The following TBC1D22A variants were observed in gnomAD, a reference collection of about 807,000 sequenced individuals.
TBC1D22A encodes TBC1 domain family member 22A.
In TBC1D22A, 38 loss-of-function variants were observed where a neutral mutation model predicts 60.2. The ratio of observed to expected loss-of-function variants is 0.63; its 90% confidence interval spans 0.49 to 0.83. The LOEUF (loss-of-function observed/expected upper bound fraction) is 0.83, where lower values mean the gene tolerates loss of function less well. Ranked by LOEUF, TBC1D22A falls within the 40% of genes least tolerant of loss-of-function variation. The pLI, the probability that TBC1D22A is intolerant of heterozygous loss-of-function variation, is 0.00. For synonymous variants in TBC1D22A, 302 were observed against 281.7 expected, an observed-to-expected ratio of 1.07 and a Z score of -0.72; for missense variants, 628 against 701.0, an observed-to-expected ratio of 0.90 and a Z score of 1.18.
At chr22:46,906,428 C>T (rs529532304) in intron 7 of TBC1D22A, among the ~76,000 whole-genome samples, 4 of 152,228 alleles carry the variant, frequency 2.6e-5, no homozygotes, top group South Asian at 2.1e-4. Context: ...GCCTGGGCGC[C>T]GCTGTCTACA....
rs550731098 is a variant in TBC1D22A, at chr22:46,957,724, C to T, written c.1016-16566C>T. On this transcript the variant is annotated intron_variant, in intron 8 of 12. Coordinates refer to ENST00000337137, the MANE Select transcript of TBC1D22A (RefSeq NM_014346.5). Reference sequence around the variant, plus strand: ...TAAGCTGAGTGGGGCCTTCCAGCGCCAGAGACGCCATGCTGGGCAGGCGAG... The same window carrying T: ...TAAGCTGAGTGGGGCCTTCCAGCGCTAGAGACGCCATGCTGGGCAGGCGAG... Among the ~76,000 whole-genome samples, 3 of 152,342 alleles carry T rather than the reference C, an allele frequency of 2.0e-5. No individual in the cohort carries two copies. In the East Asian group the frequency reaches 5.8e-4, roughly 29 times the overall value.
Position 46,762,799 on chromosome 22 carries a change from G to A in TBC1D22A, c.13G>A (p.Gly5Arg), listed in dbSNP as rs755020822. Residue 5 changes from glycine (G) to arginine (R), a missense_variant, in exon 1 of 13, where the codon GGG (glycine) becomes AGG (arginine). Physicochemically the swap from Gly to Arg is moderately radical, Grantham distance 125. Transcript: ENST00000337137. MASD[G>R]ARKQFWKRSN... ...ATGAGGAGGGGCCATGGCCAGCGAC[G>A]GGGCCAGGAAGCAATTCTGGAAGCG... 2.1e-6 allele frequency: 3 copies of A among 1,453,220 alleles called. No homozygotes were observed. In the South Asian group the frequency reaches 4.4e-5, roughly 21 times the overall value. 90.0% of individuals were successfully genotyped at this position (1,453,220 alleles called of 1,614,324 possible).
chr22:46,894,562 A>G (rs938797083), intron 6 of TBC1D22A, among the ~76,000 whole-genome samples: 3 of 152,198 alleles, frequency 2.0e-5, no homozygotes, highest in Non-Finnish European at 4.4e-5. Context: ...GACAGTGTCA[A>G]GCAAGCCTGT....
At chr22:46,974,619 G>A (rs1373076618) in intron 9 of TBC1D22A, among the ~76,000 whole-genome samples, 1 of 152,250 alleles carries the variant, frequency 6.6e-6, no homozygotes, top group South Asian at 2.1e-4. Flanking sequence ...GTCCTGCTGA[G>A]GGCCCAGTGG....
chr22:46,847,244 A>G (rs1344195859), intron 4 of TBC1D22A, among the ~76,000 whole-genome samples: 1 of 152,202 alleles, frequency 6.6e-6, no homozygotes, highest in African/African-American at 2.4e-5. Flanking sequence ...ATAGTGTAGA[A>G]GAGATTGCCA....
At chr22:47,071,251 G>C (rs1320430589) in intron 11 of TBC1D22A, among the ~76,000 whole-genome samples, 2 of 152,220 alleles carry the variant, frequency 1.3e-5, no homozygotes, top group Non-Finnish European at 2.9e-5. Flanking sequence ...CTGTTAGCTT[G>C]TTTAAGCCTC....
chr22:46,802,614 C>T (rs1160206926), intron 4 of TBC1D22A, among the ~76,000 whole-genome samples: 4 of 152,320 alleles, frequency 2.6e-5, no homozygotes, highest in Admixed American at 1.3e-4. Context: ...GCTTTTACTT[C>T]GAGCACAGCA....
At chr22:46,782,051 ACTTCTT>A (rs376817254) in intron 1 of TBC1D22A, among the ~76,000 whole-genome samples, 96 of 152,134 alleles carry the variant, frequency 6.3e-4, no homozygotes, top group African/African-American at 1.8e-3. Context: ...GTGGACTTGG[ACTTCTT>A]CTTCTTATTA....
rs1026873502 is a variant in TBC1D22A at position 46,973,101 on chromosome 22, T to G, written c.1016-1189T>G. Among the ~76,000 whole-genome samples, 10 of 152,246 alleles carry G rather than the reference T, an allele frequency of 6.6e-5. No homozygotes were observed. In the East Asian group the frequency reaches 1.7e-3, roughly 26 times the overall value. On this transcript the variant is annotated intron_variant, in intron 8 of 12. Coordinates refer to ENST00000337137, the MANE Select transcript of TBC1D22A (RefSeq NM_014346.5). Reference sequence around the variant, plus strand: ...ACCTCGTCTCTTCCAGTCACACACTTCAGTGTGAGTTAGCAATTGTGCAGG... The same window carrying G: ...ACCTCGTCTCTTCCAGTCACACACTGCAGTGTGAGTTAGCAATTGTGCAGG...
intron 8 of TBC1D22A, among the ~76,000 whole-genome samples, chr22:46,973,960 C>A (rs1286383073): frequency 1.1e-4 from 17 of 152,184 alleles, no homozygotes; most frequent in Admixed American, 1.1e-3. Context: ...TAGGAAAAAA[C>A]TTTCAGATCT....
Position 47,030,463 on chromosome 22 carries a change from C to T in TBC1D22A, c.1202-6608C>T, listed in dbSNP as rs190155362. 3.7e-4 allele frequency among the ~76,000 whole-genome samples: 57 copies of T among 152,288 alleles called. 1 individual carries two copies. Among genetic ancestry groups the T allele is most frequent in the South Asian group, 2.9e-3 (14 of 4,812 alleles). ...AGACAAGATGTTTCAGCAGAATTTT[C>T]GGTCTGTGGATCTGCTGTTTAAAGT... is the stretch of plus-strand genomic sequence containing the variant. On this transcript the variant is annotated intron_variant, in intron 10 of 12. Coordinates refer to ENST00000337137, the MANE Select transcript of TBC1D22A (RefSeq NM_014346.5).
At chr22:46,919,854 T>C (rs2070634791) in intron 8 of TBC1D22A, among the ~76,000 whole-genome samples, 1 of 151,978 alleles carries the variant, frequency 6.6e-6, no homozygotes, top group South Asian at 2.1e-4. Context: ...TAGAAATCAT[T>C]TGTAAAGAGG....
intron 7 of TBC1D22A, among the ~76,000 whole-genome samples, chr22:46,909,923 C>T (rs1223967995): frequency 3.3e-5 from 5 of 152,186 alleles, no homozygotes; most frequent in South Asian, 2.1e-4. Flanking sequence ...GAGGGGTTGC[C>T]GCCCTGCTTC....
At chr22:47,029,908 G>A in intron 10 of TBC1D22A, among the ~76,000 whole-genome samples, 1 of 152,172 alleles carries the variant, frequency 6.6e-6, no homozygotes, top group Non-Finnish European at 1.5e-5. Context: ...CTCGTCCTGG[G>A]TCTCAACCCT....
At position 47,012,677 on chromosome 22, in the gene TBC1D22A, A is replaced by T. The variant is rs569205326; in HGVS notation, c.1201+14968A>T. Among the ~76,000 whole-genome samples, 4 of 152,262 alleles carry T rather than the reference A, an allele frequency of 2.6e-5. No individual in the cohort carries two copies. The South Asian group carries it at 6.2e-4, about 24-fold the overall frequency. On this transcript the variant is annotated intron_variant, in intron 10 of 12. Transcript: ENST00000337137. ...AAGTAGAGAGAGATTCATTTTCTTA[A>T]AACTGAGGGACAGCTTTCATCCCAC...
In TBC1D22A at chr22:46,941,208, TACAC is replaced by T. The variant is rs71315174; in HGVS notation, c.1015+29046_1015+29049del. ...GAATATATATATATGTATATATGTATACACACACACACACACACACACACACACA... is the reference window on the plus strand; with the variant it reads ...GAATATATATATATGTATATATGTATACACACACACACACACACACACACA... On this transcript the variant is annotated intron_variant, in intron 8 of 12. Coordinates refer to ENST00000337137, the MANE Select transcript of TBC1D22A (RefSeq NM_014346.5). 1.1e-3 allele frequency among the ~76,000 whole-genome samples: 95 copies of T among 84,876 alleles called. 3 individuals carry two copies. Among genetic ancestry groups the T allele is most frequent in the Admixed American group, 1.7e-3 (12 of 7,140 alleles). 55.7% of individuals were successfully genotyped at this position (84,876 alleles called of 152,430 possible). A position where few individuals can be genotyped will look rare whatever the true frequency, so the allele number is the denominator to read the frequency against.
chr22:46,942,006 T>TAC (rs2072194062), intron 8 of TBC1D22A, among the ~76,000 whole-genome samples: 1 of 126,652 alleles, frequency 7.9e-6, no homozygotes, highest in Non-Finnish European at 1.6e-5. Flanking sequence ...GGCACCAGCA[T>TAC]ACATATATAT....
intron 12 of TBC1D22A, among the ~76,000 whole-genome samples, chr22:47,139,279 G>A (rs2066992883): frequency 6.6e-6 from 1 of 152,248 alleles, no homozygotes. Flanking sequence ...GGAACTGTGT[G>A]TCTGGGGCCC....
chr22:47,095,738 C>T (rs1312327555), intron 11 of TBC1D22A, among the ~76,000 whole-genome samples: 1 of 152,218 alleles, frequency 6.6e-6, no homozygotes, highest in African/African-American at 2.4e-5. Flanking sequence ...CATGGCAGTT[C>T]TTAAGGGAAC....
Sources: allele counts gnomAD v4.1 joint callset (sites outside exome capture counted in the v4.1 genomes callset), GRCh38; gene constraint gnomAD v4.1.1; transcripts MANE v1.5; gene names NCBI Gene and HGNC (gene_info 2026-07-23, HGNC 2026-07-21).